Variants in MAGI1 observed in about 807,000 individuals in gnomAD.
MAGI1 encodes the protein membrane associated guanylate kinase, WW and PDZ domain containing 1, also known as membrane-associated guanylate kinase, WW and PDZ domain-containing protein 1.
MAGI1 carries 58 observed loss-of-function variants against 139.9 expected under a neutral mutation model. The ratio of observed to expected loss-of-function variants is 0.41; its 90% CI spans 0.34 to 0.52. The LOEUF (loss-of-function observed/expected upper bound fraction) is 0.52, where lower values mean the gene tolerates loss of function less well. Ranked by LOEUF, MAGI1 falls within the 20% of genes least tolerant of loss-of-function variation. The pLI is 0.12. For missense variants in MAGI1, 1,874 were observed against 1,901.6 expected (o/e 0.99, Z 0.27); for synonymous variants, 812 against 737.9 (o/e 1.10, Z -1.63).
rs75854774 is a variant in MAGI1 at position 65,415,271 on chromosome 3, G to A, written c.2168-13801C>T. On this transcript the variant is annotated intron_variant, in intron 12 of 22. Transcript: ENST00000402939. ...AACTAAGTCAAAGGTACTGAAAACAGGAGGTCTGCTTCAGCCTCTCCTCCA... is the reference window on the plus strand; with the variant it reads ...AACTAAGTCAAAGGTACTGAAAACAAGAGGTCTGCTTCAGCCTCTCCTCCA... 9.2e-3 allele frequency among the ~76,000 whole-genome samples: 1,403 copies of A among 152,276 alleles called. 33 individuals are homozygous for A. Among genetic ancestry groups the A allele is most frequent in the African/African-American group, 0.033 (1,359 of 41,544 alleles).
intron 1 of MAGI1, among the ~76,000 whole-genome samples, chr3:65,798,295 C>T (rs2040279153): frequency 6.6e-6 from 1 of 152,010 alleles, no homozygotes; most frequent in Non-Finnish European, 1.5e-5. Context: ...CAAAGCGAGA[C>T]TCCATCTCAA....
At chr3:65,511,853 T>A in intron 2 of MAGI1, among the ~76,000 whole-genome samples, 1 of 114,578 alleles carries the variant, frequency 8.7e-6, no homozygotes, top group Admixed American at 9.7e-5. Flanking sequence ...AGAATATACA[T>A]TTTTTTCAGC....
rs1940188481 is a variant in MAGI1 at position 65,356,274 on chromosome 3, C to G, written c.*104G>C. 1 of 1,094,054 alleles carries G rather than the reference C, an allele frequency of 9.1e-7. No individual in the cohort carries two copies. Among genetic ancestry groups the G allele is most frequent in the African/African-American group, 1.6e-5 (1 of 62,812 alleles). 67.8% of individuals were successfully genotyped at this position (1,094,054 alleles called of 1,614,324 possible). A position where few individuals can be genotyped will look rare whatever the true frequency, so the allele number is the denominator to read the frequency against. ...TGTTTGTTGTTATTCATAGGATCAT[C>G]AGGTGTCAGATGCTTCATTAGGTAA... is the stretch of plus-strand genomic sequence containing the variant. On this transcript the variant is annotated 3_prime_UTR_variant, in exon 23 of 23. Coordinates refer to ENST00000402939, the MANE Select transcript of MAGI1 (RefSeq NM_001033057.2).
chr3:65,846,290 A>T (rs2058991836), intron 1 of MAGI1, among the ~76,000 whole-genome samples: 1 of 152,236 alleles, frequency 6.6e-6, no homozygotes, highest in Non-Finnish European at 1.5e-5. Flanking sequence ...GTCTTATTCT[A>T]GGATGCAAGC....
intron 8 of MAGI1, among the ~76,000 whole-genome samples, chr3:65,440,604 CA>C (rs977578856): frequency 2.0e-5 from 3 of 152,092 alleles, no homozygotes; most frequent in African/African-American, 7.2e-5. Context: ...TTCATCCAAA[CA>C]ATGAAGTTAA....
rs264082 is a variant in MAGI1 at position 65,805,700 on chromosome 3, G to T, written c.314-183612C>A. 9.2e-3 allele frequency among the ~76,000 whole-genome samples: 1,393 copies of T among 152,080 alleles called. 24 individuals are homozygous for T. The highest frequency in any genetic ancestry group is 0.032 in the African/African-American group (1,324 of 41,480). On this transcript the variant is annotated intron_variant, in intron 1 of 22. Transcript: ENST00000402939. ...ATGGAATCAACCTAAATGCCCATCA[G>T]CAATAGGCTGGATAAAGAAAATGTG...
At chr3:65,824,945 T>C (rs554489227) in intron 1 of MAGI1, among the ~76,000 whole-genome samples, 26 of 152,206 alleles carry the variant, frequency 1.7e-4, no homozygotes, top group Non-Finnish European at 3.1e-4. Context: ...TTCAAAATTA[T>C]TCCCTGAAAG....
intron 2 of MAGI1, among the ~76,000 whole-genome samples, chr3:65,545,938 T>C (rs1175138294): frequency 1.3e-5 from 2 of 151,852 alleles, no homozygotes; most frequent in Non-Finnish European, 2.9e-5. Flanking sequence ...TGAACTTTTA[T>C]TTTTAATTAG....
At chr3:65,528,490 A>G (rs914995045) in intron 2 of MAGI1, among the ~76,000 whole-genome samples, 3 of 152,210 alleles carry the variant, frequency 2.0e-5, no homozygotes, top group African/African-American at 4.8e-5. Flanking sequence ...TGGAAACTCC[A>G]ATGAACTTAT....
At chr3:65,913,850 T>A (rs1031683192) in intron 1 of MAGI1, among the ~76,000 whole-genome samples, 2 of 152,154 alleles carry the variant, frequency 1.3e-5, no homozygotes, top group African/African-American at 4.8e-5. Flanking sequence ...CATGGAGGAA[T>A]TCTACCACTG....
chr3:65,365,244 C>G (rs150936416), intron 18 of MAGI1: 2 of 570,212 alleles, frequency 3.5e-6, no homozygotes, highest in South Asian at 2.9e-5. Context: ...ATGTTTCTCA[C>G]TCCTCCCCTG....
At chr3:65,828,866 C>A (rs2042369479) in intron 1 of MAGI1, among the ~76,000 whole-genome samples, 1 of 152,144 alleles carries the variant, frequency 6.6e-6, no homozygotes, top group Admixed American at 6.5e-5. Context: ...AAAAGGAGCT[C>A]AACCCTGCTG....
At chr3:65,646,520 T>C (rs2085271170) in intron 1 of MAGI1, among the ~76,000 whole-genome samples, 1 of 152,120 alleles carries the variant, frequency 6.6e-6, no homozygotes. Flanking sequence ...TTCCAAGATG[T>C]AGAAAAACTC....
At position 65,850,415 on chromosome 3, in the gene MAGI1, A is replaced by G. The variant is rs79132289; in HGVS notation, c.313+187581T>C. ...TGCATCCCAGGAACACTCTCAATCC[A>G]GGGTAAACCAGGATGGCTAGTCATC... On this transcript the variant is annotated intron_variant, in intron 1 of 22. Coordinates refer to ENST00000402939, the MANE Select transcript of MAGI1 (RefSeq NM_001033057.2). Among the ~76,000 whole-genome samples, 181 of 152,304 alleles carry G rather than the reference A, an allele frequency of 1.2e-3. 3 individuals carry two copies. In the East Asian group the frequency reaches 0.032, roughly 27 times the overall value.
intron 1 of MAGI1, among the ~76,000 whole-genome samples, chr3:65,869,688 C>G (rs559437317): frequency 2.0e-5 from 3 of 152,224 alleles, no homozygotes; most frequent in Admixed American, 2.0e-4. Context: ...GAGTGAGCCA[C>G]CGCGCCCAGC....
At chr3:65,489,582 G>C (rs536031019) in intron 3 of MAGI1, among the ~76,000 whole-genome samples, 61 of 152,146 alleles carry the variant, frequency 4.0e-4, no homozygotes, top group African/African-American at 1.4e-3. Context: ...TATACAGATA[G>C]ACAGATAGAT....
chr3:65,992,887 A>AT (rs2066253132), intron 1 of MAGI1, among the ~76,000 whole-genome samples: 1 of 152,104 alleles, frequency 6.6e-6, no homozygotes, highest in African/African-American at 2.4e-5. Context: ...GTGAAGTGGC[A>AT]TGATCATGGC....
intron 18 of MAGI1, 197 bp from the exon 19 acceptor site, chr3:65,365,143 G>A (rs1183819337): frequency 2.7e-6 from 2 of 745,730 alleles, no homozygotes; most frequent in Admixed American, 1.7e-5. Context: ...GGTCATGTAT[G>A]TCCCCATGAC....
chr3:65,721,839 G>T (rs199929587), intron 1 of MAGI1, among the ~76,000 whole-genome samples: 5 of 147,074 alleles, frequency 3.4e-5, no homozygotes, highest in South Asian at 2.2e-4. Context: ...TTTGTTTTTT[G>T]TTTTTTTTTT....
Sources: allele counts gnomAD v4.1 joint callset (sites outside exome capture counted in the v4.1 genomes callset), GRCh38; gene constraint gnomAD v4.1.1; transcripts MANE v1.5; gene names NCBI Gene and HGNC (gene_info 2026-07-23, HGNC 2026-07-21).